Variants in OSBPL3 observed in about 807,000 individuals in gnomAD.
The protein encoded by OSBPL3 is oxysterol binding protein like 3, also known as oxysterol-binding protein-related protein 3.
Under a neutral mutation model 120.1 loss-of-function variants are expected in OSBPL3, and 65 were observed. The observed-to-expected ratio is 0.54, with a 90% CI of 0.44 to 0.67. OSBPL3 has a LOEUF of 0.67. OSBPL3 is among the 30% of genes least tolerant of loss of function. The pLI is 0.00. For missense variants in OSBPL3, 1,004 were observed against 1,082.1 expected, an observed-to-expected ratio of 0.93 and a Z score of 1.01; for synonymous variants, 416 against 402.6, an observed-to-expected ratio of 1.03 and a Z score of -0.40.
At chr7:24,800,302 T>C (rs1792138141) in intron 22 of OSBPL3, 23 bp from the exon 23 acceptor site, 1 of 1,383,990 alleles carries the variant, frequency 7.2e-7, no homozygotes, top group Admixed American at 1.7e-5. Context: ...AAACAATTTC[T>C]TGCAGACTCT....
chr7:24,978,164 A>G (rs1323447265), intron 1 of OSBPL3, among the ~76,000 whole-genome samples: 1 of 152,240 alleles, frequency 6.6e-6, no homozygotes, highest in Non-Finnish European at 1.5e-5. Context: ...GGTTAAAAAT[A>G]CCTAGCTAAC....
intron 1 of OSBPL3, among the ~76,000 whole-genome samples, chr7:24,974,336 T>C (rs796655681): frequency 2.6e-4 from 39 of 152,352 alleles, no homozygotes; most frequent in African/African-American, 9.1e-4. Context: ...CTTGACTCTT[T>C]TTAACAGTTC....
intron 1 of OSBPL3, among the ~76,000 whole-genome samples, chr7:24,970,641 A>T (rs1260756374): frequency 2.0e-5 from 3 of 152,168 alleles, no homozygotes; most frequent in African/African-American, 7.2e-5. Flanking sequence ...ATATATCCCG[A>T]ACTGAAGTGA....
intron 1 of OSBPL3, among the ~76,000 whole-genome samples, chr7:24,954,881 T>C (rs1244028146): frequency 6.6e-6 from 1 of 152,172 alleles, no homozygotes; most frequent in Non-Finnish European, 1.5e-5. Context: ...GTCTGATAAG[T>C]GGTCCTTCTG....
rs1806716573 is a variant in OSBPL3, at chr7:24,899,844, T to C, written c.-149-7223A>G. Among the ~76,000 whole-genome samples the C allele has an allele frequency of 1.3e-5, 2 of 152,250 alleles. No individual in the cohort carries two copies. The highest frequency in any genetic ancestry group is 4.8e-5 in the African/African-American group (2 of 41,456). On this transcript the variant is annotated intron_variant, in intron 1 of 22. Transcript: ENST00000313367. The surrounding 1 kb of genome is among the most constrained non-coding windows in gnomAD (Gnocchi z 4.0). ...TTAAGATGCAGATTTTGCTCCACTT[T>C]AGATGAGTTGAATCAGAATTTCTAT... is the stretch of plus-strand genomic sequence containing the variant.
chr7:24,800,131 AG>A lies in OSBPL3; in HGVS notation c.*51del, dbSNP rs577505367. On this transcript the variant is annotated 3_prime_UTR_variant, in exon 23 of 23. Coordinates refer to ENST00000313367, the MANE Select transcript of OSBPL3 (RefSeq NM_015550.4). ...TATAAACACAGGTTTGTGCCACTTC[AG>A]AAGGCAAGCACAGGAGAAATACACT... The A allele has an allele frequency of 4.9e-4, 507 of 1,029,978 alleles. 3 individuals carry two copies. In the African/African-American group the frequency reaches 7.1e-3, roughly 14 times the overall value. The allele number at this position is 1,029,978 out of a possible 1,614,324, so 63.8% of individuals were successfully genotyped here.
rs533033723 is a variant in OSBPL3, at chr7:24,808,181, G to A, written c.2318-1279C>T. On this transcript the variant is annotated intron_variant, in intron 20 of 22. Transcript: ENST00000313367. The surrounding 1 kb of genome is among the most constrained non-coding windows in gnomAD (Gnocchi z 4.6). ...TTCCCAAAGTGCTGGGATTACAGGC[G>A]TGAGCCACCATGCCCGACTGGGACC... Among the ~76,000 whole-genome samples, 1 of 152,160 alleles carries A rather than the reference G, an allele frequency of 6.6e-6. No individual in the cohort carries two copies. Among genetic ancestry groups the A allele is most frequent in the African/African-American group, 2.4e-5 (1 of 41,428 alleles).
Position 24,918,047 on chromosome 7 carries a change from C to A in OSBPL3, c.-149-25426G>T. ...TCCATAAAATGACTAGCACTCTTAC[C>A]TATAAAGGTTGGCTTATCCTCGACG... On this transcript the variant is annotated intron_variant, in intron 1 of 22. Transcript: ENST00000313367. The surrounding 1 kb of genome is among the most constrained non-coding windows in gnomAD (Gnocchi z 4.3). 1.0e-6 allele frequency: 1 copy of A among 982,900 alleles called. No homozygotes were observed. Among genetic ancestry groups the A allele is most frequent in the Non-Finnish European group, 1.2e-6 (1 of 827,636 alleles). The allele number at this position is 982,900 out of a possible 1,614,324, so 60.9% of individuals were successfully genotyped here. A position where few individuals can be genotyped will look rare whatever the true frequency, so the allele number is the denominator to read the frequency against.
chr7:24,874,376 C>T (rs1411342452), intron 2 of OSBPL3, among the ~76,000 whole-genome samples: 1 of 152,190 alleles, frequency 6.6e-6, no homozygotes, highest in Non-Finnish European at 1.5e-5. Flanking sequence ...AGCACTAATA[C>T]TAAATAATCA....
intron 12 of OSBPL3, among the ~76,000 whole-genome samples, chr7:24,846,594 A>T (rs1798474998): frequency 1.3e-5 from 2 of 152,190 alleles, no homozygotes; most frequent in South Asian, 4.1e-4. Flanking sequence ...TTTCATTTGG[A>T]ATCTAAAATA....
chr7:24,936,198 T>C lies in OSBPL3; in HGVS notation c.-149-43577A>G, dbSNP rs866839106. Among the ~76,000 whole-genome samples the C allele has an allele frequency of 3.3e-5, 5 of 152,172 alleles. No homozygotes were observed. The highest frequency in any genetic ancestry group is 2.1e-4 in the South Asian group (1 of 4,832). On this transcript the variant is annotated intron_variant, in intron 1 of 22. Transcript: ENST00000313367. The surrounding 1 kb of genome is among the most constrained non-coding windows in gnomAD (Gnocchi z 4.2). ...TCCAGTAAAAGATAAACTTGAAAAG[T>C]TCTTCCCCATGAAGCTGAGTGAGTA... is the stretch of plus-strand genomic sequence containing the variant.
intron 1 of OSBPL3, among the ~76,000 whole-genome samples, chr7:24,926,844 G>C (rs1227621765): frequency 2.0e-5 from 3 of 152,164 alleles, no homozygotes; most frequent in Non-Finnish European, 2.9e-5. Flanking sequence ...CTGCTGCCTA[G>C]CAAAACACCT....
Position 24,883,039 on chromosome 7 carries a change from T to G in OSBPL3, c.96+9338A>C, listed in dbSNP as rs1803955321. ...CATTTTGCAGGTAGTCTGTTCACTG[T>G]TTTCCTTTTGCTGTGCAGAAACTTT... On this transcript the variant is annotated intron_variant, in intron 2 of 22. Coordinates refer to ENST00000313367, the MANE Select transcript of OSBPL3 (RefSeq NM_015550.4). This position sits in a 1 kb window ranked among gnomAD's most constrained non-coding sequence, Gnocchi z 5.4. Among the ~76,000 whole-genome samples, 1 of 152,222 alleles carries G rather than the reference T, an allele frequency of 6.6e-6. No individual in the cohort carries two copies. Among genetic ancestry groups the G allele is most frequent in the Admixed American group, 6.5e-5 (1 of 15,286 alleles).
chr7:24,837,232 T>C (rs922821572), intron 14 of OSBPL3, among the ~76,000 whole-genome samples: 1 of 152,124 alleles, frequency 6.6e-6, no homozygotes, highest in Non-Finnish European at 1.5e-5. Context: ...AGGGTCTTTC[T>C]CAACAGGGTC....
At chr7:24,882,957 T>C (rs1234363537) in intron 2 of OSBPL3, among the ~76,000 whole-genome samples, 1 of 152,254 alleles carries the variant, frequency 6.6e-6, no homozygotes, top group Non-Finnish European at 1.5e-5. Context: ...TTTGAGTTCC[T>C]TGTATATTCT....
Position 24,979,965 on chromosome 7 carries a change from C to G in OSBPL3, c.-229G>C. On this transcript the variant is annotated 5_prime_UTR_variant, in exon 1 of 23. Coordinates refer to ENST00000313367, the MANE Select transcript of OSBPL3 (RefSeq NM_015550.4). Reference sequence around the variant, plus strand: ...GTTAGCGCACAGAACCGGGAGAAGGCAACCCCGGCTTCTCCGGTACCCCCG... The same window carrying G: ...GTTAGCGCACAGAACCGGGAGAAGGGAACCCCGGCTTCTCCGGTACCCCCG... 1.0e-6 allele frequency: 1 copy of G among 984,012 alleles called. No homozygotes were observed. The highest frequency in any genetic ancestry group is 1.2e-6 in the Non-Finnish European group (1 of 829,346). 61.0% of individuals were successfully genotyped at this position (984,012 alleles called of 1,614,324 possible).
Position 24,817,467 on chromosome 7 carries a change from T to C in OSBPL3, c.1949-779A>G, listed in dbSNP as rs1425714780. Among the ~76,000 whole-genome samples, 1 of 151,968 alleles carries C rather than the reference T, an allele frequency of 6.6e-6. No homozygotes were observed. The highest frequency in any genetic ancestry group is 1.5e-5 in the Non-Finnish European group (1 of 68,000). On this transcript the variant is annotated intron_variant, in intron 17 of 22. Coordinates refer to ENST00000313367, the MANE Select transcript of OSBPL3 (RefSeq NM_015550.4). The surrounding 1 kb of genome is among the most constrained non-coding windows in gnomAD (Gnocchi z 4.0). ...GTTGCAGTGAGCCAAGATCATGCCA[T>C]TGCACTCCAGCCTGGGTGATGGAGT...
intron 1 of OSBPL3, among the ~76,000 whole-genome samples, chr7:24,902,697 A>T (rs1013366249): frequency 2.8e-4 from 37 of 131,314 alleles, no homozygotes; most frequent in Non-Finnish European, 4.7e-4. Flanking sequence ...TTACAAGAGA[A>T]AATAAATAAT....
chr7:24,825,801 G>T (rs1204519062), intron 16 of OSBPL3, among the ~76,000 whole-genome samples: 1 of 152,140 alleles, frequency 6.6e-6, no homozygotes, highest in Admixed American at 6.5e-5. Context: ...AACAGAAAAG[G>T]AAGAAAGGCT....
Sources: allele counts gnomAD v4.1 joint callset (sites outside exome capture counted in the v4.1 genomes callset), GRCh38; gene constraint gnomAD v4.1.1; non-coding constraint Gnocchi (gnomAD v3.1); transcripts MANE v1.5; gene names NCBI Gene and HGNC (gene_info 2026-07-23, HGNC 2026-07-21).